The following TIAM2 variants were observed in gnomAD, a reference collection of about 807,000 sequenced individuals.
TIAM2 encodes the protein rho guanine nucleotide exchange factor TIAM2.
A neutral mutation model predicts 152.9 loss-of-function variants in TIAM2; 80 were observed. That is an observed-to-expected ratio of 0.52 (90% confidence interval 0.44 to 0.63). TIAM2 has a LOEUF of 0.63. Ranked by LOEUF, TIAM2 falls within the 30% of genes least tolerant of loss-of-function variation. The pLI is 0.00. For missense variants in TIAM2, 1,965 were observed against 2,120.1 expected (o/e 0.93, Z 1.44); for synonymous variants, 804 against 838.0 (o/e 0.96, Z 0.70).
chr6:155,114,717 C>T (rs1778970012), intron 2 of TIAM2, among the ~76,000 whole-genome samples: 1 of 151,812 alleles, frequency 6.6e-6, no homozygotes, highest in Non-Finnish European at 1.5e-5. Context: ...GCCACGGAAA[C>T]CTTTGTTACC....
At chr6:155,211,657 CTT>C (rs11314912) in intron 15 of TIAM2, among the ~76,000 whole-genome samples, 47 of 146,666 alleles carry the variant, frequency 3.2e-4, no homozygotes, top group South Asian at 8.7e-4. Context: ...TTCTTTCTTA[CTT>C]TTTTTTTTTT....
intron 6 of TIAM2, among the ~76,000 whole-genome samples, chr6:155,147,704 C>T (rs1439812070): frequency 6.6e-6 from 1 of 152,160 alleles, no homozygotes; most frequent in Non-Finnish European, 1.5e-5. Context: ...AGGCTGGTCT[C>T]GAACTCCTGA....
At chr6:155,208,079 T>A (rs1053430758) in intron 14 of TIAM2, among the ~76,000 whole-genome samples, 5 of 152,202 alleles carry the variant, frequency 3.3e-5, no homozygotes, top group Non-Finnish European at 7.3e-5. Context: ...GTATCCCTAG[T>A]ACTTAGAACA....
At chr6:155,034,124 C>T (rs1776877611) in intron 1 of TIAM2, among the ~76,000 whole-genome samples, 1 of 151,962 alleles carries the variant, frequency 6.6e-6, no homozygotes, top group South Asian at 2.1e-4. Context: ...CCTAGGGTGC[C>T]AACCTGGGTT....
At chr6:155,188,602 C>G (rs1451997386) in intron 14 of TIAM2, among the ~76,000 whole-genome samples, 1 of 152,210 alleles carries the variant, frequency 6.6e-6, no homozygotes, top group Non-Finnish European at 1.5e-5. Flanking sequence ...TCAGAGCCAA[C>G]AAGGCAACCA....
chr6:155,193,443 T>G (rs1406088463), intron 14 of TIAM2, among the ~76,000 whole-genome samples: 1 of 152,130 alleles, frequency 6.6e-6, no homozygotes, highest in Non-Finnish European at 1.5e-5. Context: ...GGAAAAGTAT[T>G]GGGAAGCTCA....
intron 6 of TIAM2, among the ~76,000 whole-genome samples, chr6:155,147,414 C>T (rs1779842716): frequency 1.3e-5 from 2 of 152,194 alleles, no homozygotes; most frequent in Non-Finnish European, 2.9e-5. Flanking sequence ...TCAAGTGATT[C>T]TCCTGTCTCA....
intron 15 of TIAM2, among the ~76,000 whole-genome samples, chr6:155,239,021 C>G (rs775772263): frequency 6.6e-6 from 1 of 152,118 alleles, no homozygotes; most frequent in Non-Finnish European, 1.5e-5. Flanking sequence ...TTTTGGGGTG[C>G]TTCAGTTTGT....
intron 1 of TIAM2, among the ~76,000 whole-genome samples, chr6:155,076,693 T>C (rs927495135): frequency 6.6e-6 from 1 of 152,168 alleles, no homozygotes; most frequent in African/African-American, 2.4e-5. Context: ...CATCCTTTTC[T>C]TTTCTTTTTT....
chr6:155,051,484 C>T (rs1252527848), intron 1 of TIAM2, among the ~76,000 whole-genome samples: 2 of 152,144 alleles, frequency 1.3e-5, no homozygotes, highest in Non-Finnish European at 2.9e-5. Flanking sequence ...TAGTAACTTG[C>T]CCAAGGGTAA....
chr6:155,054,315 C>G (rs1777390430), intron 1 of TIAM2, among the ~76,000 whole-genome samples: 1 of 152,134 alleles, frequency 6.6e-6, no homozygotes. Flanking sequence ...GACAGCCATG[C>G]TCTGGTTGGT....
chr6:155,113,918 G>A (rs1468322916), intron 2 of TIAM2, among the ~76,000 whole-genome samples: 1 of 149,732 alleles, frequency 6.7e-6, no homozygotes, highest in African/African-American at 2.5e-5. Flanking sequence ...TCCTCCCTGG[G>A]AAGCCTGATG....
chr6:155,248,568 G>A (rs12525055), intron 20 of TIAM2, among the ~76,000 whole-genome samples: 12,394 of 152,282 alleles, frequency 0.081, 596 homozygotes, highest in Non-Finnish European at 0.099. Context: ...TTCGCTGCCC[G>A]AGCTGCTGGT....
chr6:155,066,132 G>A (rs1047731849), intron 1 of TIAM2, among the ~76,000 whole-genome samples: 41 of 135,266 alleles, frequency 3.0e-4, no homozygotes, highest in Non-Finnish European at 5.4e-4. Flanking sequence ...CCACTGAGAC[G>A]GCCGCTCTTG....
chr6:155,240,694 G>T lies in TIAM2; in HGVS notation c.3333G>T (p.Glu1111Asp). The change falls in exon 16 of 27, where the codon GAG (glutamate) becomes GAT (aspartate). Residue 1111 changes from glutamate (E) to aspartate (D), a missense_variant. By Grantham distance (45) the Glu-to-Asp change is conservative. Transcript: ENST00000682666. The stretch of plus-strand genomic sequence containing the variant: ...TCATCCAGGAGCTTGTGGACACAGA[G>T]AAGTCCTACGTGAAGGTAAGGGAAG... ...RKVIQELVDT[E>D]KSYVKDLSCL... 1.2e-6 allele frequency: 2 copies of T among 1,612,286 alleles called. No individual in the cohort carries two copies. Among genetic ancestry groups the T allele is most frequent in the Non-Finnish European group, 1.7e-6 (2 of 1,179,610 alleles).
At chr6:155,107,454 T>C (rs540565012) in intron 2 of TIAM2, among the ~76,000 whole-genome samples, 17 of 152,358 alleles carry the variant, frequency 1.1e-4, no homozygotes, top group Admixed American at 1.0e-3. Flanking sequence ...GGATTTATTT[T>C]TCCTGATGGT....
intron 7 of TIAM2, among the ~76,000 whole-genome samples, chr6:155,149,795 C>T (rs183107082): frequency 0.01 from 1,550 of 151,946 alleles, 25 homozygotes; most frequent in African/African-American, 0.035. Flanking sequence ...CGGTGGTGGG[C>T]GCCTGTAATT....
chr6:155,229,148 C>T (rs1004785359), intron 15 of TIAM2, among the ~76,000 whole-genome samples: 4 of 152,154 alleles, frequency 2.6e-5, no homozygotes, highest in South Asian at 2.1e-4. Context: ...CCATAGCCCT[C>T]GCCACTTTAT....
At chr6:155,132,622 C>A (rs1438062123) in intron 4 of TIAM2, among the ~76,000 whole-genome samples, 1 of 152,242 alleles carries the variant, frequency 6.6e-6, no homozygotes, top group South Asian at 2.1e-4. Flanking sequence ...AACAACTGAT[C>A]CCCACTGAGC....
Sources: allele counts gnomAD v4.1 joint callset (sites outside exome capture counted in the v4.1 genomes callset), GRCh38; gene constraint gnomAD v4.1.1; transcripts MANE v1.5; gene names NCBI Gene and HGNC (gene_info 2026-07-23, HGNC 2026-07-21).